APC: variants seen among roughly 807,000 people sequenced by gnomAD.
APC encodes adenomatous polyposis coli protein.
APC carries 72 observed loss-of-function variants against 247.0 expected under a neutral mutation model. The observed-to-expected ratio is 0.29, with a 90% CI of 0.24 to 0.35. The LOEUF (loss-of-function observed/expected upper bound fraction) is 0.35. Ranked by LOEUF, APC falls within the 10% of genes least tolerant of loss-of-function variation. APC has a pLI of 1.00. For missense variants in APC, 3,400 were observed against 3,360.7 expected (o/e 1.01, Z -0.29); for synonymous variants, 1,254 against 1,162.5 (o/e 1.08, Z -1.60).
chr5:112,770,948 A>G (rs1756975350), intron 4 of APC, among the ~76,000 whole-genome samples: 3 of 152,150 alleles, frequency 2.0e-5, no homozygotes, highest in Non-Finnish European at 4.4e-5. Context: ...AAGATTTGGC[A>G]ACTGTGTGTT....
intron 1 of APC, among the ~76,000 whole-genome samples, chr5:112,720,194 A>T (rs912161744): frequency 1.9e-4 from 29 of 152,242 alleles, no homozygotes; most frequent in African/African-American, 6.8e-4. Flanking sequence ...AGCCATTAAT[A>T]TGAAATGCCA....
At chr5:112,745,436 G>A (rs1482944507) in intron 1 of APC, among the ~76,000 whole-genome samples, 1 of 152,038 alleles carries the variant, frequency 6.6e-6, no homozygotes, top group Admixed American at 6.6e-5. Context: ...GTGGAATGTA[G>A]ATAAGGCTGT....
chr5:112,733,401 T>G (rs1167154655), upstream of APC, among the ~76,000 whole-genome samples: 1 of 152,134 alleles, frequency 6.6e-6, no homozygotes, highest in African/African-American at 2.4e-5. Context: ...AGAGGTTACT[T>G]AAGAGTGGAA....
In APC at chr5:112,837,977, C is replaced by G. The variant is rs1442780982; in HGVS notation, c.2383C>G (p.Leu795Val). 6 of 1,614,130 alleles carry G rather than the reference C, an allele frequency of 3.7e-6. No individual in the cohort carries two copies. The East Asian group carries it at 1.1e-4, about 30-fold the overall frequency. The change falls in exon 16 of 16, where the codon CTC becomes GTC. Residue 795 changes from leucine to valine, a missense_variant. Physicochemically the swap from Leu to Val is conservative, Grantham distance 32. Around this residue, in one of 9 missense-constraint regions of APC, gnomAD observed 91 missense variants for 103.3 expected, o/e 0.88. Transcript: ENST00000257430. ...TAGTAAGCAGAGACACAAGCAAAGT[C>G]TCTATGGTGATTATGTTTTTGACAC... ...HRSKQRHKQSLYGDYVFDTNR... is the reference protein window; with the variant it reads ...HRSKQRHKQSVYGDYVFDTNR...
At chr5:112,747,104 C>G (rs1314414505) in intron 1 of APC, among the ~76,000 whole-genome samples, 1 of 152,200 alleles carries the variant, frequency 6.6e-6, no homozygotes, top group Non-Finnish European at 1.5e-5. Context: ...GCTTGGATTA[C>G]AGGCATGAGC....
At chr5:112,782,217 A>C (rs971595924) in intron 6 of APC, among the ~76,000 whole-genome samples, 3 of 151,940 alleles carry the variant, frequency 2.0e-5, no homozygotes, top group East Asian at 3.9e-4. Flanking sequence ...TGACAGGGAA[A>C]CTCCCATTTT....
intron 7 of APC, among the ~76,000 whole-genome samples, chr5:112,798,637 T>C (rs1015390885): frequency 6.6e-6 from 1 of 152,272 alleles, no homozygotes; most frequent in Middle Eastern, 3.4e-3. Flanking sequence ...ATGAGGAAAC[T>C]AGTTAGAATT....
rs747389686 is a variant in APC at position 112,819,390 on chromosome 5, T to C, written c.1312+46T>C. 1.6e-5 allele frequency: 26 copies of C among 1,612,794 alleles called. No homozygotes were observed. Among genetic ancestry groups the C allele is most frequent in the Non-Finnish European group, 2.0e-5 (24 of 1,179,232 alleles). On this transcript the variant is annotated intron_variant, in intron 10 of 15. Transcript: ENST00000257430. ...ATCGTAGTGCATGTTTCAAAGCAAA[T>C]GTGAAATTTTTAAACAGAAAACATG...
intron 11 of APC, among the ~76,000 whole-genome samples, chr5:112,826,672 G>T (rs1490219509): frequency 1.4e-5 from 2 of 143,512 alleles, no homozygotes; most frequent in African/African-American, 5.2e-5. Context: ...GTAATTATTT[G>T]CCAAAAAAAA....
chr5:112,731,855 G>A (rs112266325), intron 1 of APC, among the ~76,000 whole-genome samples: 1,726 of 152,174 alleles, frequency 0.011, 24 homozygotes, highest in African/African-American at 0.026. Context: ...TCTGCCTCCC[G>A]GGCTCAAGTG....
upstream of APC, among the ~76,000 whole-genome samples, chr5:112,737,230 G>GTTTT (rs1337420724): frequency 2.6e-5 from 4 of 152,094 alleles, no homozygotes; most frequent in Admixed American, 2.0e-4. Context: ...TTCTGTTCCC[G>GTTTT]TTTTATACAG....
At chr5:112,740,297 G>A (rs1581069397) in intron 1 of APC, among the ~76,000 whole-genome samples, 2 of 152,206 alleles carry the variant, frequency 1.3e-5, no homozygotes, top group African/African-American at 4.8e-5. Context: ...GTTAGATTGA[G>A]ATGTTTTTCT....
intron 8 of APC, among the ~76,000 whole-genome samples, chr5:112,806,483 A>T (rs1221715608): frequency 6.6e-6 from 1 of 152,222 alleles, no homozygotes. Flanking sequence ...GGAGTAAATT[A>T]TACAGGCCAG....
At chr5:112,798,099 G>A (rs1379472608) in intron 7 of APC, among the ~76,000 whole-genome samples, 1 of 152,166 alleles carries the variant, frequency 6.6e-6, no homozygotes, top group Non-Finnish European at 1.5e-5. Context: ...GAAAATATAT[G>A]TGTACACAAA....
intron 2 of APC, among the ~76,000 whole-genome samples, chr5:112,758,285 C>A (rs1755213998): frequency 2.0e-5 from 3 of 151,664 alleles, no homozygotes; most frequent in African/African-American, 7.3e-5. Context: ...ATGGCTAGAG[C>A]CCTCCCCCCA....
rs1420194578 is a variant in APC, at chr5:112,845,604, G to A, written c.*1478G>A. 1 of 232,336 alleles carries A rather than the reference G, an allele frequency of 4.3e-6. No homozygotes were observed. Among genetic ancestry groups the A allele is most frequent in the Admixed American group, 5.6e-5 (1 of 17,760 alleles). The allele number at this position is 232,336 out of a possible 1,614,324, so 14.4% of individuals were successfully genotyped here. ...TTTAATACGATTAAGATATTCAGAA[G>A]TATATTTTAGAATCCCTGCCTGTTA... On this transcript the variant is annotated 3_prime_UTR_variant, in exon 16 of 16. Transcript: ENST00000257430.
At chr5:112,790,464 T>A (rs1425111319) in intron 6 of APC, among the ~76,000 whole-genome samples, 2 of 151,922 alleles carry the variant, frequency 1.3e-5, no homozygotes, top group Admixed American at 6.6e-5. Context: ...TAGCTGGGAT[T>A]ACAGGCACGC....
intron 2 of APC, among the ~76,000 whole-genome samples, chr5:112,762,405 A>C (rs879573189): frequency 6.6e-6 from 1 of 152,230 alleles, no homozygotes; most frequent in Admixed American, 6.5e-5. Flanking sequence ...GTGACATTCT[A>C]AATAATAGCC....
chr5:112,809,740 C>T (rs563824915), intron 8 of APC, among the ~76,000 whole-genome samples: 3 of 152,216 alleles, frequency 2.0e-5, no homozygotes, highest in East Asian at 3.9e-4. Context: ...TGATGGCTCA[C>T]GCCTGTAATC....
Sources: allele counts gnomAD v4.1 joint callset (sites outside exome capture counted in the v4.1 genomes callset), GRCh38; gene constraint gnomAD v4.1.1; regional missense constraint gnomAD v4.1.1; transcripts MANE v1.5; gene names NCBI Gene and HGNC (gene_info 2026-07-23, HGNC 2026-07-21).